CHRM3: variants seen among roughly 807,000 people sequenced by gnomAD.
CHRM3 encodes the protein cholinergic receptor muscarinic 3.
In CHRM3, 11 loss-of-function variants were observed where a neutral mutation model predicts 41.8. That is an observed-to-expected ratio of 0.26 (90% CI 0.17 to 0.44). The LOEUF (loss-of-function observed/expected upper bound fraction) is 0.44, where lower values mean the gene tolerates loss of function less well. CHRM3 is among the 20% of genes least tolerant of loss of function. The probability of loss-of-function intolerance (pLI) is 1.00; values close to 1 mark genes in which losing one functional copy is unlikely to be tolerated. For synonymous variants in CHRM3, 297 were observed against 301.4 expected, an observed-to-expected ratio of 0.99 and a Z score of 0.15; for missense variants, 571 against 745.4, an observed-to-expected ratio of 0.77 and a Z score of 2.72.
intron 4 of CHRM3, among the ~76,000 whole-genome samples, chr1:239,638,441 T>G (rs978683457): frequency 6.6e-6 from 1 of 152,174 alleles, no homozygotes; most frequent in African/African-American, 2.4e-5. Flanking sequence ...CCTGACTTTT[T>G]AATGATTGCC....
intron 5 of CHRM3, among the ~76,000 whole-genome samples, chr1:239,801,225 A>C (rs2148919665): frequency 6.6e-6 from 1 of 152,302 alleles, no homozygotes; most frequent in South Asian, 2.1e-4. Flanking sequence ...GATTTGAGGA[A>C]ATTGAGGCTT....
intron 5 of CHRM3, among the ~76,000 whole-genome samples, chr1:239,702,362 C>T (rs572818811): frequency 8.5e-5 from 13 of 152,130 alleles, no homozygotes; most frequent in Non-Finnish European, 1.8e-4. Context: ...GAGGATGCTG[C>T]TGTAAGTTCT....
chr1:239,890,414 C>T (rs546956751), intron 6 of CHRM3, among the ~76,000 whole-genome samples: 6 of 152,136 alleles, frequency 3.9e-5, no homozygotes, highest in African/African-American at 7.2e-5. Context: ...AGTCCATTTC[C>T]TAGTACTGCT....
intron 6 of CHRM3, among the ~76,000 whole-genome samples, chr1:239,835,767 G>A (rs530792041): frequency 3.5e-4 from 53 of 152,244 alleles, no homozygotes; most frequent in Admixed American, 1.1e-3. Flanking sequence ...GCACTGGGTC[G>A]CAAAGAAAAA....
At chr1:239,523,393 C>T (rs2148280276) in intron 2 of CHRM3, among the ~76,000 whole-genome samples, 1 of 152,212 alleles carries the variant, frequency 6.6e-6, no homozygotes, top group Middle Eastern at 3.4e-3. Context: ...GACCACTATC[C>T]TACATGCAAG....
chr1:239,563,565 G>A (rs1327484841), intron 3 of CHRM3, among the ~76,000 whole-genome samples: 1 of 152,098 alleles, frequency 6.6e-6, no homozygotes, highest in Admixed American at 6.5e-5. Context: ...ATTCCAAATA[G>A]GTTCACAGAA....
intron 1 of CHRM3, among the ~76,000 whole-genome samples, chr1:239,463,869 A>G (rs1158127487): frequency 1.3e-5 from 2 of 152,076 alleles, no homozygotes; most frequent in Non-Finnish European, 2.9e-5. Flanking sequence ...CCTGGCAACC[A>G]CCATTCTACA....
chr1:239,874,989 G>A (rs1453201707), intron 6 of CHRM3, among the ~76,000 whole-genome samples: 1 of 152,050 alleles, frequency 6.6e-6, no homozygotes, highest in Non-Finnish European at 1.5e-5. Flanking sequence ...ATGAGCCACC[G>A]CACCCAGCCG....
At chr1:239,570,534 A>G (rs1489475927) in intron 3 of CHRM3, among the ~76,000 whole-genome samples, 1 of 152,164 alleles carries the variant, frequency 6.6e-6, no homozygotes, top group Non-Finnish European at 1.5e-5. Flanking sequence ...TTTGTTACTA[A>G]CATCAACTGC....
chr1:239,759,165 T>TG (rs988914314), intron 5 of CHRM3, among the ~76,000 whole-genome samples: 4 of 135,484 alleles, frequency 3.0e-5, no homozygotes, highest in African/African-American at 9.5e-5. Context: ...GGGTTTTTTT[T>TG]TTTGTTTTTT....
In CHRM3 at chr1:239,452,375, G is replaced by A. The variant is rs139715090; in HGVS notation, c.-520-40334G>A. Among the ~76,000 whole-genome samples, 21 of 152,334 alleles carry A rather than the reference G, an allele frequency of 1.4e-4. No homozygotes were observed. In the East Asian group the frequency reaches 3.9e-3, roughly 28 times the overall value. ...TGGCTGGTGACAGCTTCAGGAGGTT[G>A]AGACTGTATGAGAAAAAGACCGCAG... On this transcript the variant is annotated intron_variant, in intron 1 of 6. Coordinates refer to ENST00000676153, the MANE Select transcript of CHRM3 (RefSeq NM_001375978.1).
chr1:239,598,035 G>A (rs1665011408), intron 3 of CHRM3, among the ~76,000 whole-genome samples: 1 of 151,890 alleles, frequency 6.6e-6, no homozygotes, highest in Non-Finnish European at 1.5e-5. Flanking sequence ...TAATTCCTGG[G>A]CCTTAAACAT....
At position 239,748,201 on chromosome 1, in the gene CHRM3, C is replaced by T. The variant is rs1372326692; in HGVS notation, c.-147+69913C>T. Among the ~76,000 whole-genome samples, 1 of 152,176 alleles carries T rather than the reference C, an allele frequency of 6.6e-6. No individual in the cohort carries two copies. Among genetic ancestry groups the T allele is most frequent in the Non-Finnish European group, 1.5e-5 (1 of 68,036 alleles). ...CACTTAAGAAGAAAGTGTATACACA[C>T]CCGTTATCTGCACTAATTGAAGATG... On this transcript the variant is annotated intron_variant, in intron 5 of 6. Transcript: ENST00000676153. The surrounding 1 kb of genome is among the most constrained non-coding windows in gnomAD (Gnocchi z 4.3).
intron 5 of CHRM3, among the ~76,000 whole-genome samples, chr1:239,791,805 G>C (rs1378955884): frequency 6.6e-6 from 1 of 152,226 alleles, no homozygotes; most frequent in African/African-American, 2.4e-5. Flanking sequence ...TGTATAAAGA[G>C]ATGGGCTTGA....
intron 1 of CHRM3, among the ~76,000 whole-genome samples, chr1:239,392,652 C>T (rs780762395): frequency 6.6e-6 from 1 of 152,184 alleles, no homozygotes; most frequent in African/African-American, 2.4e-5. Context: ...TGTGTACTTC[C>T]CTGCATTTAT....
At chr1:239,751,990 C>G (rs989983295) in intron 5 of CHRM3, among the ~76,000 whole-genome samples, 1 of 152,076 alleles carries the variant, frequency 6.6e-6, no homozygotes, top group African/African-American at 2.4e-5. Flanking sequence ...TGAAGTTGCC[C>G]CAACAAAAGC....
intron 3 of CHRM3, among the ~76,000 whole-genome samples, chr1:239,582,500 C>T (rs1160895710): frequency 6.6e-6 from 1 of 152,070 alleles, no homozygotes; most frequent in African/African-American, 2.4e-5. Context: ...GTTGGCAGCC[C>T]CTATGCTCAT....
intron 1 of CHRM3, among the ~76,000 whole-genome samples, chr1:239,401,152 A>T (rs569364798): frequency 6.6e-6 from 1 of 152,308 alleles, no homozygotes; most frequent in East Asian, 1.9e-4. Flanking sequence ...TACGGATGAA[A>T]TACTGATTAT....
intron 5 of CHRM3, among the ~76,000 whole-genome samples, chr1:239,821,195 G>T (rs1336049869): frequency 1.3e-5 from 2 of 152,128 alleles, no homozygotes; most frequent in African/African-American, 4.8e-5. Flanking sequence ...TTAACTCTAT[G>T]GTGTTTCCAA....
Sources: gnomAD v4.1 joint callset for allele counts (sites outside exome capture counted in the v4.1 genomes callset) on GRCh38, gnomAD v4.1.1 for gene constraint, Gnocchi (gnomAD v3.1) non-coding constraint, MANE v1.5 for transcripts, NCBI Gene and HGNC (gene_info 2026-07-23, HGNC 2026-07-21) for gene names.